Variants in ARSJ observed in about 807,000 individuals in gnomAD.
ARSJ encodes arylsulfatase family member J.
Under a neutral mutation model 35.9 loss-of-function variants are expected in ARSJ, and 26 were observed. The observed-to-expected ratio is 0.72, with a 90% CI of 0.53 to 1.00. ARSJ has a LOEUF of 1.00. ARSJ is among the 50% of genes least tolerant of loss of function. The pLI, the probability that ARSJ is intolerant of heterozygous loss-of-function variation, is 0.00. For missense variants in ARSJ, 667 were observed against 723.6 expected, an observed-to-expected ratio of 0.92 and a Z score of 0.90; for synonymous variants, 294 against 267.6, an observed-to-expected ratio of 1.10 and a Z score of -0.96.
chr4:113,962,532 C>T (rs1007940273), intron 1 of ARSJ, among the ~76,000 whole-genome samples: 16 of 147,750 alleles, frequency 1.1e-4, no homozygotes, highest in African/African-American at 3.7e-4. Flanking sequence ...TGAATTTGTC[C>T]TTGACTCCTC....
intron 1 of ARSJ, among the ~76,000 whole-genome samples, chr4:113,970,148 AAAG>A (rs1727150957): frequency 6.6e-6 from 1 of 152,216 alleles, no homozygotes; most frequent in Non-Finnish European, 1.5e-5. Context: ...AGAATGAGCC[AAAG>A]AAGAGAGGAA....
chr4:113,971,940 T>A (rs1019960498), intron 1 of ARSJ, among the ~76,000 whole-genome samples: 3 of 152,154 alleles, frequency 2.0e-5, no homozygotes, highest in Non-Finnish European at 4.4e-5. Context: ...ATAATCAAAC[T>A]CTATTGCCCT....
intron 1 of ARSJ, among the ~76,000 whole-genome samples, chr4:113,905,660 ATTTTTTTTTTTT>A (rs766150372): frequency 1.3e-3 from 103 of 81,858 alleles, no homozygotes; most frequent in Non-Finnish European, 1.8e-3. Context: ...GTTCTTGATA[ATTTTTTTTTTTT>A]TTTTTTTTTT....
chr4:113,923,730 GT>G (rs1400951216), intron 1 of ARSJ, among the ~76,000 whole-genome samples: 2 of 151,828 alleles, frequency 1.3e-5, no homozygotes, highest in Admixed American at 6.6e-5. Flanking sequence ...CAGTTTCTTA[GT>G]TATATTAGCC....
At chr4:113,917,166 C>T (rs1286422791) in intron 1 of ARSJ, among the ~76,000 whole-genome samples, 2 of 152,074 alleles carry the variant, frequency 1.3e-5, no homozygotes, top group African/African-American at 4.8e-5. Context: ...CAGAAAGTAC[C>T]ATTAAAATTC....
intron 1 of ARSJ, among the ~76,000 whole-genome samples, chr4:113,963,060 G>A (rs1256024681): frequency 2.6e-5 from 4 of 151,834 alleles, no homozygotes; most frequent in African/African-American, 9.7e-5. Flanking sequence ...TCTTATCAAG[G>A]TCTTCCGTGA....
intron 1 of ARSJ, among the ~76,000 whole-genome samples, chr4:113,918,521 T>C (rs1723462340): frequency 6.6e-6 from 1 of 152,138 alleles, no homozygotes; most frequent in Admixed American, 6.6e-5. Flanking sequence ...TTTGTAAGAA[T>C]ACAAACGGAT....
chr4:113,963,779 G>C (rs1470428050), intron 1 of ARSJ, among the ~76,000 whole-genome samples: 1 of 152,054 alleles, frequency 6.6e-6, no homozygotes, highest in East Asian at 1.9e-4. Context: ...GCTGGTAGTG[G>C]AGTGTCACAA....
intron 1 of ARSJ, among the ~76,000 whole-genome samples, chr4:113,916,190 G>A (rs1723284221): frequency 6.6e-6 from 1 of 152,166 alleles, no homozygotes; most frequent in African/African-American, 2.4e-5. Flanking sequence ...TCTGCCTAAT[G>A]ACTTGACATC....
chr4:113,931,023 G>T (rs1248373495), intron 1 of ARSJ, among the ~76,000 whole-genome samples: 1 of 151,456 alleles, frequency 6.6e-6, no homozygotes, highest in African/African-American at 2.4e-5. Flanking sequence ...TGGGGACTGT[G>T]GTGGGGTGGG....
At chr4:113,929,345 C>A (rs2149263273) in intron 1 of ARSJ, among the ~76,000 whole-genome samples, 1 of 152,186 alleles carries the variant, frequency 6.6e-6, no homozygotes, top group East Asian at 1.9e-4. Context: ...CTGGCAACTG[C>A]CTCAGGGGAG....
intron 1 of ARSJ, among the ~76,000 whole-genome samples, chr4:113,965,003 G>T (rs1726800780): frequency 6.6e-6 from 1 of 152,164 alleles, no homozygotes; most frequent in South Asian, 2.1e-4. Context: ...GATTGTATAG[G>T]AACTAGGTAT....
intron 1 of ARSJ, among the ~76,000 whole-genome samples, chr4:113,921,006 A>C (rs536803863): frequency 2.0e-5 from 3 of 151,944 alleles, no homozygotes; most frequent in Non-Finnish European, 4.4e-5. Context: ...GCTGGACTGT[A>C]TAGGTGCTGC....
intron 1 of ARSJ, among the ~76,000 whole-genome samples, chr4:113,907,453 C>A (rs72893434): frequency 0.019 from 2,821 of 152,092 alleles, 77 homozygotes; most frequent in African/African-American, 0.065. Flanking sequence ...AATGAAAAAT[C>A]AACTGTATGT....
chr4:113,916,037 C>A (rs1723275007), intron 1 of ARSJ, among the ~76,000 whole-genome samples: 1 of 152,170 alleles, frequency 6.6e-6, no homozygotes, highest in Non-Finnish European at 1.5e-5. Context: ...GAAAAGTTTG[C>A]CCCTTATGGT....
chr4:113,936,593 C>G (rs1427988860), intron 1 of ARSJ, among the ~76,000 whole-genome samples: 1 of 151,686 alleles, frequency 6.6e-6, no homozygotes, highest in Non-Finnish European at 1.5e-5. Flanking sequence ...ACTTTTTGTA[C>G]TACACTAAAA....
At chr4:113,955,901 T>G (rs973873847) in intron 1 of ARSJ, among the ~76,000 whole-genome samples, 2 of 152,158 alleles carry the variant, frequency 1.3e-5, no homozygotes, top group African/African-American at 2.4e-5. Flanking sequence ...TGTTGCCTTT[T>G]AGTATCTTCC....
At chr4:113,913,416 C>T (rs1562337560) in intron 1 of ARSJ, among the ~76,000 whole-genome samples, 1 of 152,040 alleles carries the variant, frequency 6.6e-6, no homozygotes, top group Non-Finnish European at 1.5e-5. Flanking sequence ...TTCCCTGACT[C>T]TTATTATCTC....
At chr4:113,966,762 T>A (rs1431757083) in intron 1 of ARSJ, among the ~76,000 whole-genome samples, 1 of 152,220 alleles carries the variant, frequency 6.6e-6, no homozygotes, top group African/African-American at 2.4e-5. Context: ...CACATTTTTG[T>A]TGCTGTGTCC....
Sources: allele counts gnomAD v4.1 joint callset (sites outside exome capture counted in the v4.1 genomes callset), GRCh38; gene constraint gnomAD v4.1.1; transcripts MANE v1.5; gene names NCBI Gene and HGNC (gene_info 2026-07-23, HGNC 2026-07-21).